Variants in PPP1R3F observed in about 807,000 individuals in gnomAD.
PPP1R3F encodes the protein protein phosphatase 1, regulatory (inhibitor) subunit 3F.
Under a neutral mutation model 24.2 loss-of-function variants are expected in PPP1R3F, and 29 were observed. The observed-to-expected ratio is 1.20, with a 90% CI of 0.89 to 1.63. The LOEUF (loss-of-function observed/expected upper bound fraction) is 1.63. Among genes scored for constraint, PPP1R3F ranks in the 40% most tolerant of loss-of-function variants. PPP1R3F has a pLI of 0.00. For synonymous variants in PPP1R3F, 363 were observed against 340.1 expected (o/e 1.07, Z -0.74); for missense variants, 823 against 729.3 (o/e 1.13, Z -1.48).
At chrX:49,295,098 G>A (rs2066319451) in intron 3 of PPP1R3F, among the ~76,000 whole-genome samples, 1 of 110,314 alleles carries the variant, frequency 9.1e-6, no homozygotes, top group Middle Eastern at 4.6e-3. Context: ...AGTTACTTTC[G>A]AATGTCAGTA....
chrX:49,281,481 C>A lies in PPP1R3F; in HGVS notation c.1060+20C>A. The A allele has an allele frequency of 8.6e-7, 1 of 1,166,478 alleles. No homozygotes were observed. The highest frequency in any genetic ancestry group is 1.2e-6 in the Non-Finnish European group (1 of 856,677). ...CCATGGGTAAGCAATTGGCAAGCTTCGGAAGTTTTAGCTTGTATTTACCAT... is the reference window on the plus strand; with the variant it reads ...CCATGGGTAAGCAATTGGCAAGCTTAGGAAGTTTTAGCTTGTATTTACCAT... On this transcript the variant is annotated intron_variant, in intron 2 of 3. Coordinates refer to ENST00000055335, the MANE Select transcript of PPP1R3F (RefSeq NM_033215.5).
At chrX:49,292,998 C>A (rs1480805200), downstream of PPP1R3F, among the ~76,000 whole-genome samples, 7 of 112,116 alleles carry the variant, frequency 6.2e-5, no homozygotes, top group African/African-American at 1.9e-4. Flanking sequence ...CCTCAAAGTG[C>A]TCAGGACAGT....
intron 1 of PPP1R3F, chrX:49,281,003 GTATGA>G: frequency 7.9e-6 from 1 of 126,592 alleles, no homozygotes; most frequent in East Asian, 2.3e-4. Context: ...GAAGGGAATG[GTATGA>G]TATGAGTATT....
chrX:49,278,456 G>T (rs1233479894), intron 1 of PPP1R3F, among the ~76,000 whole-genome samples: 1 of 112,441 alleles, frequency 8.9e-6, no homozygotes, highest in Non-Finnish European at 1.9e-5. Context: ...TGGATTTTAG[G>T]ACCACGGAGG....
chrX:49,286,902 C>A lies in PPP1R3F; in HGVS notation c.2212C>A (p.Pro738Thr). 1.7e-6 allele frequency: 2 copies of A among 1,195,946 alleles called. No homozygotes were observed. The highest frequency in any genetic ancestry group is 2.3e-6 in the Non-Finnish European group (2 of 887,490). Reference sequence around the variant, plus strand: ...AAAGGATGCAGGCCCAAGCCTTGAACCCCCAAAGAAGTCTCCCACCCTAGC... The same window carrying A: ...AAAGGATGCAGGCCCAAGCCTTGAAACCCCAAAGAAGTCTCCCACCCTAGC... The part of the protein sequence containing the change: ...DEKDAGPSLE[P>T]PKKSPTLAVP... Residue 738 changes from proline to threonine, a missense_variant, in exon 4 of 4, where the codon CCC becomes ACC. Coordinates refer to ENST00000055335, the MANE Select transcript of PPP1R3F (RefSeq NM_033215.5).
At chrX:49,298,307 A>G (rs2066329061) in intron 3 of PPP1R3F, among the ~76,000 whole-genome samples, 1 of 112,331 alleles carries the variant, frequency 8.9e-6, no homozygotes, top group Admixed American at 9.4e-5. Context: ...TTCTGGGTTG[A>G]AAATTCTTTT....
At chrX:49,270,938 C>T (rs1052607955) in intron 1 of PPP1R3F, 65 bp downstream of exon 1, 11 of 1,072,508 alleles carry the variant, frequency 1.0e-5, no homozygotes, top group African/African-American at 1.9e-5. Context: ...ACAAGCATTC[C>T]GGCCCAGGAA....
rs183331712 is a variant in PPP1R3F, at chrX:49,271,929, C to T, written c.1004+1056C>T. Among the ~76,000 whole-genome samples, 309 of 112,357 alleles carry T rather than the reference C, an allele frequency of 2.8e-3. 1 individual carries two copies. Among genetic ancestry groups the T allele is most frequent in the Middle Eastern group, 9.2e-3 (2 of 218 alleles). On this transcript the variant is annotated intron_variant, in intron 1 of 3. Coordinates refer to ENST00000055335, the MANE Select transcript of PPP1R3F (RefSeq NM_033215.5). ...ATTTCCCTAGGTTTCCTCTATCAAG[C>T]TATGAGTTCTTTAAGGGCAGCAGCT... is the stretch of plus-strand genomic sequence containing the variant.
At chrX:49,279,673 A>G (rs1353905958) in intron 1 of PPP1R3F, among the ~76,000 whole-genome samples, 1 of 110,234 alleles carries the variant, frequency 9.1e-6, no homozygotes. Flanking sequence ...ACAGAACGAG[A>G]CTCCATCTCA....
intron 1 of PPP1R3F, among the ~76,000 whole-genome samples, chrX:49,271,430 A>G (rs1557119302): frequency 8.9e-6 from 1 of 112,681 alleles, no homozygotes. Context: ...CATATATGGA[A>G]CAAGGGTGTT....
downstream of PPP1R3F, among the ~76,000 whole-genome samples, chrX:49,291,482 C>G (rs1395022570): frequency 9.2e-6 from 1 of 108,397 alleles, no homozygotes; most frequent in African/African-American, 3.4e-5. Context: ...CATGCACCAC[C>G]ATGCCCGACT....
At chrX:49,279,872 G>A (rs905455339) in intron 1 of PPP1R3F, among the ~76,000 whole-genome samples, 3 of 112,410 alleles carry the variant, frequency 2.7e-5, no homozygotes, top group Non-Finnish European at 3.8e-5. Context: ...ATGATGAGAT[G>A]CCACCCCTGG....
downstream of PPP1R3F, among the ~76,000 whole-genome samples, chrX:49,291,316 C>CTCTCTCTCTCTCTCTGTCTG (rs782097550): frequency 0.1 from 9,191 of 88,041 alleles, 745 homozygotes; most frequent in Middle Eastern, 0.17. Flanking sequence ...CTCTCTCTCT[C>CTCTCTCTCTCTCTCTGTCTG]TCTCTCTCTC....
At chrX:49,291,856 C>T (rs1333746698), downstream of PPP1R3F, among the ~76,000 whole-genome samples, 1 of 110,763 alleles carries the variant, frequency 9.0e-6, no homozygotes, top group Non-Finnish European at 1.9e-5. Flanking sequence ...ATCACCCACC[C>T]GCATCCTACA....
At chrX:49,298,699 C>G (rs1196948340) in intron 3 of PPP1R3F, among the ~76,000 whole-genome samples, 1 of 111,076 alleles carries the variant, frequency 9.0e-6, no homozygotes, top group African/African-American at 3.3e-5. Context: ...TTCTTGGAGG[C>G]TTTGTTCGTT....
At chrX:49,280,021 C>T (rs1438891262) in intron 1 of PPP1R3F, among the ~76,000 whole-genome samples, 2 of 111,583 alleles carry the variant, frequency 1.8e-5, no homozygotes, top group African/African-American at 6.5e-5. Context: ...GCTGTCCATC[C>T]TCATTCCTCT....
At chrX:49,294,069 A>C (rs186350716) in intron 3 of PPP1R3F, among the ~76,000 whole-genome samples, 3 of 111,842 alleles carry the variant, frequency 2.7e-5, no homozygotes, top group Admixed American at 9.5e-5. Flanking sequence ...ATACCATTTA[A>C]AAAATTTATT....
chrX:49,286,594 A>AG lies in PPP1R3F; in HGVS notation c.1907dup (p.Gln637SerfsTer7). ...GACGGCCCTGTGGTTCTGGGTACAG[A>AG]GGGTCAGTTCATTGGGGATCCTGAG... On this transcript the variant is annotated frameshift_variant, in exon 4 of 4. Coordinates refer to ENST00000055335, the MANE Select transcript of PPP1R3F (RefSeq NM_033215.5). LOFTEE classifies it low-confidence loss of function (END_TRUNC). The AG allele has an allele frequency of 8.3e-7, 1 of 1,211,194 alleles. No individual in the cohort carries two copies. Among genetic ancestry groups the AG allele is most frequent in the Non-Finnish European group, 1.1e-6 (1 of 895,231 alleles).
chrX:49,284,509 C>CTTTTTTTTTTTTTTTTTTTTTTTT (rs145170789), intron 3 of PPP1R3F, among the ~76,000 whole-genome samples: 6 of 50,852 alleles, frequency 1.2e-4, no homozygotes, highest in Non-Finnish European at 2.2e-4. Flanking sequence ...CTTTTTCTTT[C>CTTTTTTTTTTTTTTTTTTTTTTTT]TTTTTTTTTT....
Sources: gnomAD v4.1 joint callset for allele counts (sites outside exome capture counted in the v4.1 genomes callset) on GRCh38, gnomAD v4.1.1 for gene constraint, MANE v1.5 for transcripts, NCBI Gene and HGNC (gene_info 2026-07-23, HGNC 2026-07-21) for gene names.